Variants in GARIN5B observed in about 807,000 individuals in gnomAD.
GARIN5B encodes the protein Golgi-associated RAB2 interactor protein 5B.
the GARIN5B span, chr19:55,362,705 C>T: frequency 3.9e-6 from 6 of 1,539,280 alleles, no homozygotes; most frequent in African/African-American, 4.1e-5. Flanking sequence ...CTGTGATTCA[C>T]GAACACTGGG....
the GARIN5B span, chr19:55,359,454 C>A: frequency 1.9e-6 from 3 of 1,545,124 alleles, no homozygotes; most frequent in South Asian, 3.6e-5. Context: ...ATGGCTGGGG[C>A]CTTCTGGGAT....
the GARIN5B span, chr19:55,360,922 G>T: frequency 1.3e-6 from 2 of 1,542,424 alleles, no homozygotes; most frequent in African/African-American, 2.7e-5. Flanking sequence ...GAGCAATACC[G>T]TGGGACTTTG....
the GARIN5B span, chr19:55,361,204 C>A: frequency 1.9e-6 from 3 of 1,551,094 alleles, no homozygotes; most frequent in African/African-American, 1.4e-5. Flanking sequence ...GAGCAGCCAC[C>A]GTCTTATGCG....
the GARIN5B span, chr19:55,361,184 C>G: frequency 6.4e-7 from 1 of 1,551,340 alleles, no homozygotes; most frequent in South Asian, 1.2e-5. Flanking sequence ...CTTGGCCTTC[C>G]TCTGTCTCTG....
chr19:55,355,341 G>A, the GARIN5B span: 20 of 1,550,400 alleles, frequency 1.3e-5, no homozygotes, highest in Non-Finnish European at 1.7e-5. Flanking sequence ...TGGGAGTGCT[G>A]CAGGCTGCAG....
the GARIN5B span, chr19:55,363,180 G>A: frequency 8.9e-7 from 1 of 1,117,522 alleles, no homozygotes; most frequent in Non-Finnish European, 1.2e-6. The surrounding 1 kb of genome is among the most constrained non-coding windows in gnomAD (Gnocchi z 4.0). Context: ...CTGGAGCTCA[G>A]CGTTACAGAG....
the GARIN5B span, among the ~76,000 whole-genome samples, chr19:55,360,530 T>C: frequency 8.0e-5 from 5 of 62,342 alleles, no homozygotes; most frequent in African/African-American, 1.9e-4. Context: ...CAGGCCGCAG[T>C]TCCTCCTCCC....
chr19:55,355,460 G>T, the GARIN5B span: 1 of 1,035,054 alleles, frequency 9.7e-7, no homozygotes, highest in Non-Finnish European at 1.4e-6. Flanking sequence ...CCCAGGGCGG[G>T]TCTTGCTGTG....
chr19:55,356,183 C>A, the GARIN5B span, among the ~76,000 whole-genome samples: 2 of 150,146 alleles, frequency 1.3e-5, no homozygotes, highest in African/African-American at 4.9e-5. Flanking sequence ...ACTAGCCTGG[C>A]CAACATGGCG....
At chr19:55,361,209 T>C in the GARIN5B span, 3 of 1,551,196 alleles carry the variant, frequency 1.9e-6, no homozygotes, top group Non-Finnish European at 2.6e-6. Context: ...GCCACCGTCT[T>C]ATGCGGAAAG....
chr19:55,355,226 G>T, the GARIN5B span: 1 of 771,400 alleles, frequency 1.3e-6, no homozygotes, highest in Non-Finnish European at 1.8e-6. Context: ...CCGCCCCCAG[G>T]TCTAAGGCAG....
At chr19:55,358,115 C>G in the GARIN5B span, 2 of 1,428,960 alleles carry the variant, frequency 1.4e-6, no homozygotes, top group Non-Finnish European at 1.8e-6. Flanking sequence ...GCAGAGCTCA[C>G]AGTAAATAAT....
At chr19:55,355,304 G>T in the GARIN5B span, 1 of 1,549,018 alleles carries the variant, frequency 6.5e-7, no homozygotes, top group Non-Finnish European at 8.7e-7. Context: ...CTGAGGTTAA[G>T]CCCCCGCATC....
the GARIN5B span, chr19:55,362,806 C>T: frequency 7.4e-5 from 110 of 1,487,668 alleles, no homozygotes; most frequent in Non-Finnish European, 9.6e-5. Flanking sequence ...CCCTCCTGAT[C>T]GTCCCCCACA....
At chr19:55,363,099 A>T in the GARIN5B span, 8 of 1,449,036 alleles carry the variant, frequency 5.5e-6, no homozygotes, top group East Asian at 1.9e-4. The surrounding 1 kb of genome is among the most constrained non-coding windows in gnomAD (Gnocchi z 4.0). Context: ...TGGTTTAGGG[A>T]CCCAGAACCC....
At chr19:55,362,017 C>T in the GARIN5B span, among the ~76,000 whole-genome samples, 30 of 130,082 alleles carry the variant, frequency 2.3e-4, no homozygotes, top group African/African-American at 8.3e-4. Context: ...CTTCTTCCCT[C>T]GACTCAGGGG....
At chr19:55,359,564 C>A in the GARIN5B span, 2 of 1,551,182 alleles carry the variant, frequency 1.3e-6, no homozygotes, top group Non-Finnish European at 1.7e-6. Flanking sequence ...AGGAGCCAAT[C>A]CAGGTGGGGG....
chr19:55,356,774 G>A, the GARIN5B span, among the ~76,000 whole-genome samples: 1 of 151,978 alleles, frequency 6.6e-6, no homozygotes, highest in Non-Finnish European at 1.5e-5. Flanking sequence ...ACCTGGCTGG[G>A]CACGGTGGCT....
At chr19:55,358,541 T>A in the GARIN5B span, 25 of 310,784 alleles carry the variant, frequency 8.0e-5, no homozygotes, top group Non-Finnish European at 1.2e-4. Context: ...TGGCTGCTCC[T>A]TCATCTCGCC....
Sources: gnomAD v4.1 joint callset for allele counts (sites outside exome capture counted in the v4.1 genomes callset) on GRCh38, gnomAD v4.1.1 for gene constraint, Gnocchi (gnomAD v3.1) non-coding constraint, MANE v1.5 for transcripts, NCBI Gene and HGNC (gene_info 2026-07-23, HGNC 2026-07-21) for gene names.